CSMD3: variants seen among roughly 807,000 people sequenced by gnomAD.
CSMD3 encodes the protein CUB and sushi domain-containing protein 3.
CSMD3 carries 177 observed loss-of-function variants against 435.2 expected under a neutral mutation model. That is an observed-to-expected ratio of 0.41 (90% CI 0.36 to 0.46). CSMD3 has a LOEUF of 0.46. Ranked by LOEUF, CSMD3 falls within the 20% of genes least tolerant of loss-of-function variation. The pLI, the probability that CSMD3 is intolerant of heterozygous loss-of-function variation, is 0.34. For synonymous variants in CSMD3, 1,656 were observed against 1,520.5 expected (o/e 1.09, Z -2.07); for missense variants, 4,265 against 4,504.6 (o/e 0.95, Z 1.52).
intron 13 of CSMD3, among the ~76,000 whole-genome samples, chr8:112,713,986 C>T (rs2076668239): frequency 6.6e-6 from 1 of 152,104 alleles, no homozygotes; most frequent in African/African-American, 2.4e-5. Context: ...AATATAAATA[C>T]AAAGACACTA....
At chr8:112,644,372 A>G (rs1327548492) in intron 20 of CSMD3, among the ~76,000 whole-genome samples, 1 of 152,016 alleles carries the variant, frequency 6.6e-6, no homozygotes. Flanking sequence ...AAAACGAATT[A>G]TTAATCATGC....
intron 7 of CSMD3, among the ~76,000 whole-genome samples, chr8:112,956,914 A>G (rs1367308495): frequency 1.3e-5 from 2 of 152,118 alleles, no homozygotes; most frequent in African/African-American, 4.8e-5. Context: ...GATGCAGAAG[A>G]TGAAAGGTCA....
chr8:113,224,640 A>G (rs2093005912), intron 3 of CSMD3, among the ~76,000 whole-genome samples: 1 of 151,272 alleles, frequency 6.6e-6, no homozygotes, highest in South Asian at 2.1e-4. Context: ...ATAATAATTT[A>G]CCTAAATAAT....
At chr8:112,406,404 A>T in intron 35 of CSMD3, 120 bp downstream of exon 35, 1 of 562,764 alleles carries the variant, frequency 1.8e-6, no homozygotes, top group Admixed American at 3.3e-5. Context: ...AAGCATACTT[A>T]TTAAATTATT....
intron 3 of CSMD3, among the ~76,000 whole-genome samples, chr8:113,220,445 C>G (rs961651056): frequency 6.6e-6 from 1 of 151,194 alleles, no homozygotes; most frequent in African/African-American, 2.4e-5. Context: ...CCACGGCAAC[C>G]TTAGCACCAA....
intron 38 of CSMD3, 130 bp from the exon 39 acceptor site, chr8:112,352,664 G>A (rs375836091): frequency 2.1e-5 from 17 of 794,950 alleles, no homozygotes; most frequent in Admixed American, 7.4e-5. Context: ...CGTTGAGAAC[G>A]TTCTGTGAAC....
intron 5 of CSMD3, among the ~76,000 whole-genome samples, chr8:113,085,641 C>A (rs956634272): frequency 4.6e-5 from 7 of 151,780 alleles, no homozygotes; most frequent in Admixed American, 2.0e-4. Context: ...CATGTATGAA[C>A]CTAAAGAACA....
intron 2 of CSMD3, among the ~76,000 whole-genome samples, chr8:113,281,019 G>A (rs1260924735): frequency 1.3e-5 from 2 of 151,866 alleles, no homozygotes; most frequent in African/African-American, 2.4e-5. Flanking sequence ...GTCTAAGACA[G>A]TGCTTGATAT....
intron 22 of CSMD3, among the ~76,000 whole-genome samples, chr8:112,603,361 C>T (rs918545683): frequency 3.3e-5 from 5 of 152,182 alleles, no homozygotes; most frequent in African/African-American, 9.7e-5. Flanking sequence ...ACTGGAGAGA[C>T]AAATTGCTGA....
chr8:113,344,874 T>A (rs1354311945), intron 1 of CSMD3, among the ~76,000 whole-genome samples: 6 of 152,102 alleles, frequency 3.9e-5, no homozygotes, highest in Non-Finnish European at 8.8e-5. Flanking sequence ...AATTTTATTA[T>A]CTAGTAGAAT....
intron 13 of CSMD3, among the ~76,000 whole-genome samples, chr8:112,693,045 A>G (rs2076172792): frequency 6.6e-6 from 1 of 151,878 alleles, no homozygotes; most frequent in Non-Finnish European, 1.5e-5. Flanking sequence ...GGGCTATTGA[A>G]TCATATCCTT....
chr8:113,012,455 G>A (rs2086290270), intron 6 of CSMD3, among the ~76,000 whole-genome samples: 1 of 151,938 alleles, frequency 6.6e-6, no homozygotes, highest in Admixed American at 6.6e-5. Context: ...ATCCCCATGT[G>A]TTGAGGGAAA....
intron 13 of CSMD3, among the ~76,000 whole-genome samples, chr8:112,713,271 A>G (rs1040538449): frequency 1.3e-5 from 2 of 152,072 alleles, no homozygotes; most frequent in South Asian, 2.1e-4. Flanking sequence ...GAGCCCAAAT[A>G]TCAATAGCCG....
At chr8:112,409,277 A>G (rs762367411) in intron 32 of CSMD3, among the ~76,000 whole-genome samples, 79 of 152,218 alleles carry the variant, frequency 5.2e-4, no homozygotes, top group Middle Eastern at 6.8e-3. Flanking sequence ...TCTTAAAAAT[A>G]TAAATGAGCA....
chr8:112,345,760 CTTTA>C (rs1160063226), intron 41 of CSMD3, among the ~76,000 whole-genome samples: 1 of 151,922 alleles, frequency 6.6e-6, no homozygotes, highest in Non-Finnish European at 1.5e-5. Flanking sequence ...TATTAATTAA[CTTTA>C]TTTAGTTCTT....
intron 5 of CSMD3, among the ~76,000 whole-genome samples, chr8:113,031,305 A>G (rs573325861): frequency 6.6e-6 from 1 of 151,842 alleles, no homozygotes; most frequent in African/African-American, 2.4e-5. Flanking sequence ...ATGGAATACT[A>G]CTCAGCATTA....
chr8:113,367,287 C>T (rs1265173547), intron 1 of CSMD3, among the ~76,000 whole-genome samples: 2 of 151,880 alleles, frequency 1.3e-5, no homozygotes, highest in Non-Finnish European at 2.9e-5. Flanking sequence ...TCTGGAATAA[C>T]ATATTCTTTT....
chr8:113,036,904 A>C (rs1296557214), intron 5 of CSMD3, among the ~76,000 whole-genome samples: 1 of 152,096 alleles, frequency 6.6e-6, no homozygotes, highest in East Asian at 1.9e-4. Flanking sequence ...ATATTTAAGG[A>C]GACATTTTAG....
intron 22 of CSMD3, among the ~76,000 whole-genome samples, chr8:112,601,851 T>C (rs1832376509): frequency 6.6e-6 from 1 of 152,232 alleles, no homozygotes; most frequent in Admixed American, 6.5e-5. Context: ...ATATGCTCTC[T>C]ACGATGAGTT....
Sources: gnomAD v4.1 joint callset for allele counts (sites outside exome capture counted in the v4.1 genomes callset) on GRCh38, gnomAD v4.1.1 for gene constraint, MANE v1.5 for transcripts, NCBI Gene and HGNC (gene_info 2026-07-23, HGNC 2026-07-21) for gene names.